LONRF3: variants seen among roughly 807,000 people sequenced by gnomAD.
LONRF3 encodes LON peptidase N-terminal domain and RING finger protein 3.
A neutral mutation model predicts 51.7 loss-of-function variants in LONRF3; 19 were observed. That is an observed-to-expected ratio of 0.37 (90% CI 0.26 to 0.54). The LOEUF (loss-of-function observed/expected upper bound fraction) is 0.54, where lower values mean the gene tolerates loss of function less well. Among genes scored for constraint, LONRF3 ranks in the 20% least tolerant of loss-of-function variants. LONRF3 has a pLI of 0.86. For synonymous variants in LONRF3, 265 were observed against 257.8 expected (o/e 1.03, Z -0.27); for missense variants, 521 against 623.9 (o/e 0.84, Z 1.76).
intron 3 of LONRF3, chrX:118,986,777 C>A: frequency 2.2e-6 from 1 of 454,370 alleles, no homozygotes; most frequent in Non-Finnish European, 3.7e-6. Context: ...GACCCCTGCC[C>A]TGGTGTGGTG....
At chrX:118,977,168 G>T (rs1922146025) in intron 1 of LONRF3, among the ~76,000 whole-genome samples, 1 of 104,589 alleles carries the variant, frequency 9.6e-6, no homozygotes, top group African/African-American at 3.7e-5. Context: ...CACACCCCTG[G>T]GGAAAAAAAA....
At chrX:118,993,632 G>C (rs1053668679) in intron 5 of LONRF3, among the ~76,000 whole-genome samples, 3 of 111,391 alleles carry the variant, frequency 2.7e-5, no homozygotes, top group Non-Finnish European at 5.7e-5. Flanking sequence ...AAACTTCCCC[G>C]GCCTTGTGAG....
chrX:118,979,763 C>A (rs767027892), intron 2 of LONRF3, among the ~76,000 whole-genome samples: 1 of 111,422 alleles, frequency 9.0e-6, no homozygotes, highest in Admixed American at 9.5e-5. Flanking sequence ...TGTGCCATTT[C>A]AAGTCCTTAA....
chrX:118,989,299 G>A (rs1334628144), intron 3 of LONRF3, 109 bp from the exon 4 acceptor site: 11 of 895,569 alleles, frequency 1.2e-5, no homozygotes, highest in South Asian at 5.1e-5. Context: ...CTATGAGTTC[G>A]GGGTGGGGAT....
chrX:119,015,469 CT>C (rs943779168), intron 10 of LONRF3, among the ~76,000 whole-genome samples: 5 of 111,720 alleles, frequency 4.5e-5, no homozygotes, highest in Non-Finnish European at 7.5e-5. Flanking sequence ...AAGGTGGCTT[CT>C]TTCCCCCCCC....
intron 1 of LONRF3, among the ~76,000 whole-genome samples, chrX:118,977,280 C>G (rs905975646): frequency 1.8e-5 from 2 of 111,076 alleles, no homozygotes; most frequent in Non-Finnish European, 3.8e-5. Flanking sequence ...CTCTAGATCT[C>G]TAAGGCAGAT....
chrX:118,975,720 GACTGTGGC>G, intron 1 of LONRF3, 123 bp downstream of exon 1: 4 of 287,528 alleles, frequency 1.4e-5, no homozygotes, highest in Non-Finnish European at 2.3e-5. Flanking sequence ...GGGACCCATG[GACTGTGGC>G]GGGGTGGGGG....
intron 3 of LONRF3, among the ~76,000 whole-genome samples, chrX:118,988,894 C>T (rs2147277627): frequency 9.2e-6 from 1 of 108,483 alleles, no homozygotes; most frequent in East Asian, 2.9e-4. Context: ...AGACCTGGAG[C>T]ATGAGGTAAC....
intron 7 of LONRF3, among the ~76,000 whole-genome samples, chrX:119,010,814 G>T (rs1281595491): frequency 1.8e-5 from 2 of 111,110 alleles, no homozygotes. Flanking sequence ...ATCTCTGGGG[G>T]TACTTATTGA....
intron 1 of LONRF3, among the ~76,000 whole-genome samples, chrX:118,977,166 T>TG (rs1922145626): frequency 1.9e-5 from 2 of 103,973 alleles, no homozygotes; most frequent in African/African-American, 7.4e-5. Flanking sequence ...AGCACACCCC[T>TG]GGGGAAAAAA....
intron 6 of LONRF3, among the ~76,000 whole-genome samples, chrX:119,007,079 T>A (rs1478332641): frequency 8.9e-6 from 1 of 112,454 alleles, no homozygotes; most frequent in Non-Finnish European, 1.9e-5. Flanking sequence ...TTCAGGAAAA[T>A]GAGGCAACAT....
At chrX:118,979,483 C>T (rs983143648) in intron 2 of LONRF3, among the ~76,000 whole-genome samples, 7 of 110,710 alleles carry the variant, frequency 6.3e-5, no homozygotes, top group Non-Finnish European at 7.5e-5. Context: ...TTAGTAGTGA[C>T]GGGGTTTTGC....
chrX:119,007,692 G>A (rs1002956386), intron 6 of LONRF3, among the ~76,000 whole-genome samples: 3 of 111,800 alleles, frequency 2.7e-5, no homozygotes, highest in Non-Finnish European at 3.8e-5. Context: ...TTAAGGGAAT[G>A]GAGTGAAATC....
At chrX:118,990,421 A>T (rs1923338691) in intron 4 of LONRF3, 49 bp from the exon 5 acceptor site, 1 of 1,018,540 alleles carries the variant, frequency 9.8e-7, no homozygotes, top group Non-Finnish European at 1.4e-6. Flanking sequence ...AGTACTATCT[A>T]TGAAACCGGG....
Position 118,990,521 on chromosome X carries a change from C to T in LONRF3, c.1376C>T (p.Ser459Phe), listed in dbSNP as rs1482644180. ...CCTGCTCTCAGTTTACCACTTGCAT[C>T]TTTCGACGCATCTGACCTTGAATGC... ...DKPALSLPLA[S>F]FDASDLECAL... Residue 459 changes from serine (S) to phenylalanine (F), a missense_variant, in exon 5 of 11, where the codon TCT (serine) becomes TTT (phenylalanine). Ser to Phe is a radical substitution (Grantham distance 155). Around this residue, in one of 2 missense-constraint regions of LONRF3, gnomAD observed 145 missense variants for 247.2 expected, o/e 0.59. Transcript: ENST00000371628. 4 of 1,209,074 alleles carry T rather than the reference C, an allele frequency of 3.3e-6. No individual in the cohort carries two copies. The African/African-American group carries it at 5.2e-5, about 16-fold the overall frequency.
chrX:119,002,396 C>A (rs1433208220), intron 5 of LONRF3, among the ~76,000 whole-genome samples: 1 of 112,337 alleles, frequency 8.9e-6, no homozygotes, highest in Admixed American at 9.4e-5. Context: ...TTTATTATTT[C>A]AATCTGGCTT....
chrX:118,977,981 C>T (rs956725735), intron 1 of LONRF3, among the ~76,000 whole-genome samples: 1 of 111,425 alleles, frequency 9.0e-6, no homozygotes, highest in African/African-American at 3.3e-5. Flanking sequence ...TCCTTCCTAC[C>T]TGGCCTGTTT....
At chrX:118,987,705 C>T (rs1923112920) in intron 3 of LONRF3, among the ~76,000 whole-genome samples, 2 of 110,177 alleles carry the variant, frequency 1.8e-5, no homozygotes, top group African/African-American at 6.6e-5. Context: ...GAGGGCCTAA[C>T]AATCCCTCCT....
At chrX:118,976,056 C>G (rs1036790967) in intron 1 of LONRF3, among the ~76,000 whole-genome samples, 11 of 112,979 alleles carry the variant, frequency 9.7e-5, no homozygotes, top group Admixed American at 7.4e-4. Flanking sequence ...AGAGGAACTT[C>G]GCGCGCTCCT....
Sources: gnomAD v4.1 joint callset for allele counts (sites outside exome capture counted in the v4.1 genomes callset) on GRCh38, gnomAD v4.1.1 for gene constraint, gnomAD v4.1.1 regional missense constraint, MANE v1.5 for transcripts, NCBI Gene and HGNC (gene_info 2026-07-23, HGNC 2026-07-21) for gene names.